The following JAKMIP3 variants were observed in gnomAD, a reference collection of about 807,000 sequenced individuals.
JAKMIP3 encodes janus kinase and microtubule-interacting protein 3.
JAKMIP3 carries 58 observed loss-of-function variants against 118.5 expected under a neutral mutation model. The observed-to-expected ratio is 0.49, with a 90% CI of 0.40 to 0.61. JAKMIP3 has a LOEUF of 0.61. Among genes scored for constraint, JAKMIP3 ranks in the 20% least tolerant of loss-of-function variants. The probability of loss-of-function intolerance (pLI) is 0.00; values close to 1 mark genes in which losing one functional copy is unlikely to be tolerated. For missense variants in JAKMIP3, 950 were observed against 1,109.0 expected, an observed-to-expected ratio of 0.86 and a Z score of 2.04; for synonymous variants, 486 against 451.2, an observed-to-expected ratio of 1.08 and a Z score of -0.98.
chr10:132,104,676 ATGAG>A lies in JAKMIP3; in HGVS notation c.-132_-129del. ...GCGGTGTGCTTTCCCCTCCAGGTGA[ATGAG>A]AAGATGTAGTGTGACAGCAGCCCGG... is the stretch of plus-strand genomic sequence containing the variant. On this transcript the variant is annotated 5_prime_UTR_variant, in exon 2 of 24. The change abolishes an upstream ATG in the 5' untranslated region. Coordinates refer to ENST00000684848, the MANE Select transcript of JAKMIP3 (RefSeq NM_001323087.2). 2 of 868,810 alleles carry A rather than the reference ATGAG, an allele frequency of 2.3e-6. No individual in the cohort carries two copies. The highest frequency in any genetic ancestry group is 2.7e-5 in the East Asian group (1 of 37,120). 53.8% of individuals were successfully genotyped at this position (868,810 alleles called of 1,614,324 possible).
intron 3 of JAKMIP3, among the ~76,000 whole-genome samples, chr10:132,120,560 T>C (rs963719699): frequency 1.8e-4 from 27 of 152,194 alleles, no homozygotes; most frequent in African/African-American, 6.0e-4. Context: ...AATAAAATAA[T>C]GAAAAACCCA....
At chr10:132,134,192 T>G (rs2051258141) in intron 4 of JAKMIP3, among the ~76,000 whole-genome samples, 1 of 152,174 alleles carries the variant, frequency 6.6e-6, no homozygotes, top group African/African-American at 2.4e-5. Flanking sequence ...CTCCAGCTGG[T>G]CCTTCTGGGT....
At chr10:132,126,272 GT>G (rs1179720591) in intron 3 of JAKMIP3, among the ~76,000 whole-genome samples, 1 of 150,046 alleles carries the variant, frequency 6.7e-6, no homozygotes, top group South Asian at 2.1e-4. Flanking sequence ...GTTGGTTTTG[GT>G]TTTGTTTTTG....
At chr10:132,063,423 C>T (rs1375541998), upstream of JAKMIP3, among the ~76,000 whole-genome samples, 1 of 143,984 alleles carries the variant, frequency 6.9e-6, no homozygotes, top group Non-Finnish European at 1.5e-5. Context: ...GCTCAAAGCT[C>T]AGCTTCTTGA....
intron 23 of JAKMIP3, among the ~76,000 whole-genome samples, chr10:132,180,742 C>T (rs200846544): frequency 0.46 from 3,955 of 8,642 alleles, 1,163 homozygotes; most frequent in East Asian, 0.75. Flanking sequence ...TGTGTGCGTG[C>T]GTGCGCGCGC....
intron 1 of JAKMIP3, among the ~76,000 whole-genome samples, chr10:132,037,359 T>C (rs1162122354): frequency 2.6e-5 from 4 of 152,044 alleles, no homozygotes; most frequent in Admixed American, 2.0e-4. Flanking sequence ...GGTGAGGTGC[T>C]GGAATGCACA....
At position 132,180,696 on chromosome 10, in the gene JAKMIP3, CGTGTGTGTGTGCGCGT is replaced by C. The variant is rs2061089089; in HGVS notation, c.*1104-1653_*1104-1638del. ...GTGTGCGCGCGCGTGTGTGTGCGTG[CGTGTGTGTGTGCGCGT>C]GTGTGTGCGTGTGTGTGCGTGTGTG... On this transcript the variant is annotated intron_variant, in intron 23 of 23. Coordinates refer to ENST00000684848, the MANE Select transcript of JAKMIP3 (RefSeq NM_001323087.2). Among the ~76,000 whole-genome samples, 2 of 10,952 alleles carry C rather than the reference CGTGTGTGTGTGCGCGT, an allele frequency of 1.8e-4. 1 individual carries two copies. Among genetic ancestry groups the C allele is most frequent in the South Asian group, 6.3e-3 (2 of 320 alleles). 7.2% of individuals were successfully genotyped at this position (10,952 alleles called of 152,430 possible).
At chr10:132,139,242 GTGTGTGTA>G (rs1171169292) in intron 9 of JAKMIP3, among the ~76,000 whole-genome samples, 18 of 118,112 alleles carry the variant, frequency 1.5e-4, no homozygotes, top group African/African-American at 6.9e-4. Context: ...ATATGCATCT[GTGTGTGTA>G]TGTGTGTGTG....
intron 2 of JAKMIP3, 113 bp downstream of exon 2, chr10:132,105,056 A>G: frequency 1.6e-6 from 2 of 1,280,156 alleles, no homozygotes; most frequent in Non-Finnish European, 2.2e-6. Context: ...ACCCCCACCC[A>G]GTCCTAAAGG....
chr10:132,099,317 ACCT>A (rs1235674979), intron 1 of JAKMIP3, among the ~76,000 whole-genome samples: 2 of 151,432 alleles, frequency 1.3e-5, no homozygotes, highest in African/African-American at 2.4e-5. Context: ...CCACACAGAA[ACCT>A]CCTGCCATAA....
At chr10:132,160,547 TG>T (rs1274192915) in intron 19 of JAKMIP3, among the ~76,000 whole-genome samples, 1 of 9,610 alleles carries the variant, frequency 1.0e-4, no homozygotes, top group Non-Finnish European at 1.6e-4. Context: ...TGTGTGATGC[TG>T]GGGGGGTCTC....
At chr10:132,071,044 A>G (rs1427961233) in intron 1 of JAKMIP3, among the ~76,000 whole-genome samples, 1 of 152,008 alleles carries the variant, frequency 6.6e-6, no homozygotes, top group Non-Finnish European at 1.5e-5. Context: ...TTTTCTCTTT[A>G]TACCACTTTA....
chr10:132,050,253 C>T (rs375267407), intron 1 of JAKMIP3, among the ~76,000 whole-genome samples: 39 of 152,308 alleles, frequency 2.6e-4, no homozygotes, highest in African/African-American at 7.9e-4. Context: ...CAGATCCTCG[C>T]GCTGCCCGTT....
chr10:132,139,234 A>G (rs1278605468), intron 9 of JAKMIP3, among the ~76,000 whole-genome samples: 1 of 105,726 alleles, frequency 9.5e-6, no homozygotes, highest in Non-Finnish European at 2.0e-5. Flanking sequence ...GTGAGTGTAT[A>G]TGCATCTGTG....
chr10:132,149,100 A>T (rs2055290588), intron 14 of JAKMIP3, among the ~76,000 whole-genome samples: 2 of 151,952 alleles, frequency 1.3e-5, no homozygotes, highest in Non-Finnish European at 2.9e-5. Context: ...GATCCTCCCC[A>T]TAGCCCCTGG....
At chr10:132,038,319 C>A (rs1169607878) in intron 1 of JAKMIP3, among the ~76,000 whole-genome samples, 1 of 152,176 alleles carries the variant, frequency 6.6e-6, no homozygotes, top group Non-Finnish European at 1.5e-5. Flanking sequence ...CCCGAGGGAG[C>A]CCACGCACAG....
At chr10:132,111,229 G>C (rs2046815686) in intron 2 of JAKMIP3, among the ~76,000 whole-genome samples, 1 of 152,244 alleles carries the variant, frequency 6.6e-6, no homozygotes, top group South Asian at 2.1e-4. Flanking sequence ...CTGTGCCCCT[G>C]CAGACCTGTG....
At chr10:132,108,224 T>C (rs1300078062) in intron 2 of JAKMIP3, among the ~76,000 whole-genome samples, 1 of 152,166 alleles carries the variant, frequency 6.6e-6, no homozygotes, top group East Asian at 1.9e-4. Context: ...ACCTTGGTCC[T>C]GCTGGAGCAG....
At chr10:132,039,850 C>T (rs974657880) in intron 1 of JAKMIP3, among the ~76,000 whole-genome samples, 12 of 152,256 alleles carry the variant, frequency 7.9e-5, no homozygotes, top group African/African-American at 2.4e-4. Flanking sequence ...CGTGCTGGGG[C>T]GCCTCTGCAA....
Sources: gnomAD v4.1 joint callset for allele counts (sites outside exome capture counted in the v4.1 genomes callset) on GRCh38, gnomAD v4.1.1 for gene constraint, MANE v1.5 for transcripts, NCBI Gene and HGNC (gene_info 2026-07-23, HGNC 2026-07-21) for gene names.